The following RBM44 variants were observed in gnomAD, a reference collection of about 807,000 sequenced individuals.
RBM44 encodes the protein RNA binding motif protein 44.
A neutral mutation model predicts 105.1 loss-of-function variants in RBM44; 66 were observed. That is an observed-to-expected ratio of 0.63 (90% CI 0.52 to 0.77). The LOEUF (loss-of-function observed/expected upper bound fraction) is 0.77, where lower values mean the gene tolerates loss of function less well. Among genes scored for constraint, RBM44 ranks in the 30% least tolerant of loss-of-function variants. RBM44 has a pLI of 0.00. For synonymous variants in RBM44, 365 were observed against 417.6 expected, an observed-to-expected ratio of 0.87 and a Z score of 1.54; for missense variants, 1,122 against 1,207.8, an observed-to-expected ratio of 0.93 and a Z score of 1.05.
intron 1 of RBM44, among the ~76,000 whole-genome samples, chr2:237,804,009 A>G (rs1393879706): frequency 6.6e-6 from 1 of 151,988 alleles, no homozygotes; most frequent in Non-Finnish European, 1.5e-5. Context: ...AGGTGGGACT[A>G]CAAGCGTGTG....
chr2:237,818,111 AGCCTACAAAACACT>A lies in RBM44; in HGVS notation c.1195_1208del (p.Leu399Ter). 6.2e-7 allele frequency: 1 copy of A among 1,612,982 alleles called. No individual in the cohort carries two copies. Among genetic ancestry groups the A allele is most frequent in the Non-Finnish European group, 8.5e-7 (1 of 1,179,466 alleles). On this transcript the variant is annotated frameshift_variant, in exon 3 of 16. Coordinates refer to ENST00000316997, the MANE Select transcript of RBM44 (RefSeq NM_001080504.3). LOFTEE classifies it high-confidence loss of function. The surrounding 1 kb of genome is among the most constrained non-coding windows in gnomAD (Gnocchi z 4.6). ...AATTTCTGCCTGTGGATATTATGAAAGCCTACAAAACACTGCTGACTCAGCCTTAGATTTTTCTG... is the reference window on the plus strand; with the variant it reads ...AATTTCTGCCTGTGGATATTATGAAAGCTGACTCAGCCTTAGATTTTTCTG...
intron 4 of RBM44, among the ~76,000 whole-genome samples, chr2:237,819,881 A>G (rs914516211): frequency 3.9e-5 from 6 of 152,020 alleles, no homozygotes; most frequent in Admixed American, 3.9e-4. Context: ...GACTTTATAG[A>G]GAATAAGCAA....
At chr2:237,814,430 G>A (rs1297821574) in intron 2 of RBM44, among the ~76,000 whole-genome samples, 1 of 152,008 alleles carries the variant, frequency 6.6e-6, no homozygotes, top group Admixed American at 6.6e-5. Flanking sequence ...GGAAATCTAG[G>A]GAAAGGCTAC....
intron 5 of RBM44, chr2:237,820,726 A>T (rs1317851398): frequency 1.3e-5 from 3 of 235,000 alleles, no homozygotes; most frequent in Non-Finnish European, 2.4e-5. Flanking sequence ...AGCATTTAAA[A>T]GAAAATATTT....
Position 237,822,341 on chromosome 2 carries a change from C to T in RBM44, c.2205+514C>T, listed in dbSNP as rs535235067. Among the ~76,000 whole-genome samples the T allele has an allele frequency of 5.9e-5, 9 of 152,066 alleles. No homozygotes were observed. The South Asian group carries it at 1.9e-3, about 32-fold the overall frequency. ...CTTGTTCCCGCAAGAAAGTGTTTGTCAGATGACAACCAAGAAGGAAGATTT... is the reference window on the plus strand; with the variant it reads ...CTTGTTCCCGCAAGAAAGTGTTTGTTAGATGACAACCAAGAAGGAAGATTT... On this transcript the variant is annotated intron_variant, in intron 8 of 15. Coordinates refer to ENST00000316997, the MANE Select transcript of RBM44 (RefSeq NM_001080504.3).
In RBM44 at chr2:237,826,701, A is replaced by G. The variant is rs1057144836; in HGVS notation, c.2450-549A>G. On this transcript the variant is annotated intron_variant, in intron 10 of 15. Transcript: ENST00000316997. ...TCTGAACCAAAGACAAAGACAATCA[A>G]CTGCAGATTGAAAATATTTTTTAAA... 2.6e-5 allele frequency among the ~76,000 whole-genome samples: 4 copies of G among 152,128 alleles called. No homozygotes were observed. In the South Asian group the frequency reaches 6.2e-4, roughly 24 times the overall value.
intron 1 of RBM44, among the ~76,000 whole-genome samples, chr2:237,805,631 A>G (rs1421871721): frequency 2.0e-5 from 3 of 152,208 alleles, no homozygotes; most frequent in African/African-American, 7.2e-5. Flanking sequence ...ACCTTTCACC[A>G]TATACAAAAA....
chr2:237,813,292 GTTTA>G (rs1211672826), intron 1 of RBM44, among the ~76,000 whole-genome samples: 8 of 152,144 alleles, frequency 5.3e-5, no homozygotes, highest in Admixed American at 2.6e-4. Context: ...TATATCAATA[GTTTA>G]TTTCTTTCTG....
At chr2:237,838,262 C>T (rs2061978676) in intron 15 of RBM44, among the ~76,000 whole-genome samples, 1 of 152,166 alleles carries the variant, frequency 6.6e-6, no homozygotes, top group South Asian at 2.1e-4. Context: ...AAACAATTCT[C>T]CAAGCCCAAA....
intron 15 of RBM44, among the ~76,000 whole-genome samples, chr2:237,840,949 G>A (rs1025528348): frequency 6.6e-6 from 1 of 152,278 alleles, no homozygotes; most frequent in East Asian, 1.9e-4. Flanking sequence ...AGAGAAAAGG[G>A]AATGCCTATG....
intron 5 of RBM44, 182 bp downstream of exon 5, chr2:237,820,533 G>C (rs1300028882): frequency 2.3e-6 from 1 of 437,278 alleles, no homozygotes; most frequent in Non-Finnish European, 4.1e-6. Flanking sequence ...CACAGTGCGT[G>C]GTTGGCATGA....
At chr2:237,824,589 T>G (rs1348828935) in intron 10 of RBM44, among the ~76,000 whole-genome samples, 170 bp downstream of exon 10, 1 of 152,174 alleles carries the variant, frequency 6.6e-6, no homozygotes, top group Non-Finnish European at 1.5e-5. Context: ...GGAGGTCAGT[T>G]TTTTAAAGAG....
chr2:237,824,652 G>A lies in RBM44; in HGVS notation c.2449+233G>A, dbSNP rs60418799. 3.0e-3 allele frequency among the ~76,000 whole-genome samples: 455 copies of A among 152,162 alleles called. 2 individuals carry two copies. The highest frequency in any genetic ancestry group is 0.011 in the African/African-American group (442 of 41,516). ...AGATTTAGTTAACAGGTAGATACCC[G>A]CATTCTTCCTCTTGCTCTAGGCCAA... is the stretch of plus-strand genomic sequence containing the variant. On this transcript the variant is annotated intron_variant, in intron 10 of 15. Coordinates refer to ENST00000316997, the MANE Select transcript of RBM44 (RefSeq NM_001080504.3).
intron 15 of RBM44, chr2:237,834,906 T>A (rs1311937795): frequency 3.3e-5 from 5 of 152,678 alleles, no homozygotes; most frequent in African/African-American, 9.7e-5. Flanking sequence ...GAGAGCAAGA[T>A]GGAAGCTGCA....
chr2:237,799,078 T>G (rs562372388), intron 1 of RBM44: 21 of 152,138 alleles, frequency 1.4e-4, no homozygotes, highest in Middle Eastern at 3.4e-3. Context: ...GCACTGGAGT[T>G]CCGGCGCCCT....
At chr2:237,806,642 CGT>C (rs550779313) in intron 1 of RBM44, among the ~76,000 whole-genome samples, 15 of 152,176 alleles carry the variant, frequency 9.9e-5, no homozygotes, top group African/African-American at 1.7e-4. Context: ...AAGGCTAAGG[CGT>C]TAGAAATTGC....
At chr2:237,814,364 C>T (rs2061690680) in intron 2 of RBM44, among the ~76,000 whole-genome samples, 1 of 152,040 alleles carries the variant, frequency 6.6e-6, no homozygotes, top group Non-Finnish European at 1.5e-5. Flanking sequence ...ATGAAGATGT[C>T]ATTCATGAAC....
At position 237,817,444 on chromosome 2, in the gene RBM44, AC is replaced by A; in HGVS notation, c.526del (p.Gln176LysfsTer22). The A allele has an allele frequency of 1.3e-6, 2 of 1,599,434 alleles. No homozygotes were observed. Among genetic ancestry groups the A allele is most frequent in the South Asian group, 2.2e-5 (2 of 89,262 alleles). ...ATTATAGAGAAAGTGCTGAAGATAC[AC>A]AAAAGCATGATACAGATGAAGACTC... ...ANYRESAEDT[Q>X]KHDTDEDSQQ... On this transcript the variant is annotated frameshift_variant, in exon 3 of 16. Coordinates refer to ENST00000316997, the MANE Select transcript of RBM44 (RefSeq NM_001080504.3). LOFTEE classifies it high-confidence loss of function.
chr2:237,814,371 G>C (rs184542815), intron 2 of RBM44, among the ~76,000 whole-genome samples: 7 of 152,158 alleles, frequency 4.6e-5, no homozygotes, highest in Admixed American at 4.6e-4. Flanking sequence ...TGTCATTCAT[G>C]AACCCTAATG....
Sources: allele counts gnomAD v4.1 joint callset (sites outside exome capture counted in the v4.1 genomes callset), GRCh38; gene constraint gnomAD v4.1.1; non-coding constraint Gnocchi (gnomAD v3.1); transcripts MANE v1.5; gene names NCBI Gene and HGNC (gene_info 2026-07-23, HGNC 2026-07-21).